The following XKR4 variants were observed in gnomAD, a reference collection of about 807,000 sequenced individuals.
XKR4 encodes the protein XK related 4.
In XKR4, 12 loss-of-function variants were observed where a neutral mutation model predicts 53.9. The ratio of observed to expected loss-of-function variants is 0.22; its 90% CI spans 0.14 to 0.36. XKR4 has a LOEUF of 0.36. Ranked by LOEUF, XKR4 falls within the 10% of genes least tolerant of loss-of-function variation. XKR4 has a pLI of 1.00. For missense variants in XKR4, 799 were observed against 859.5 expected, an observed-to-expected ratio of 0.93 and a Z score of 0.88; for synonymous variants, 354 against 362.4, an observed-to-expected ratio of 0.98 and a Z score of 0.26.
At chr8:55,492,502 G>A (rs1286084086) in intron 2 of XKR4, among the ~76,000 whole-genome samples, 1 of 152,162 alleles carries the variant, frequency 6.6e-6, no homozygotes, top group Non-Finnish European at 1.5e-5. Flanking sequence ...CCCATTAACT[G>A]AACCACAACA....
At chr8:55,416,947 A>G (rs569798006) in intron 2 of XKR4, among the ~76,000 whole-genome samples, 3 of 152,380 alleles carry the variant, frequency 2.0e-5, no homozygotes, top group Admixed American at 2.0e-4. Context: ...TTTCAAAATT[A>G]GAAAATAAAA....
At chr8:55,394,419 TA>T (rs34307387) in intron 2 of XKR4, among the ~76,000 whole-genome samples, 1 of 152,216 alleles carries the variant, frequency 6.6e-6, no homozygotes. Flanking sequence ...CTCATAGAGC[TA>T]AAAAAGTTAT....
At chr8:55,338,704 G>A (rs926874731) in intron 1 of XKR4, among the ~76,000 whole-genome samples, 2 of 152,162 alleles carry the variant, frequency 1.3e-5, no homozygotes, top group Non-Finnish European at 2.9e-5. Context: ...GAGGCTGGCC[G>A]CAATACAGTA....
chr8:55,395,142 G>A (rs149520367), intron 2 of XKR4, among the ~76,000 whole-genome samples: 103 of 152,152 alleles, frequency 6.8e-4, no homozygotes, highest in African/African-American at 1.6e-3. Flanking sequence ...GGGAGGTAGC[G>A]AATCACTGAG....
intron 1 of XKR4, among the ~76,000 whole-genome samples, chr8:55,340,751 G>C (rs889971203): frequency 3.9e-5 from 6 of 152,216 alleles, no homozygotes; most frequent in African/African-American, 7.2e-5. Flanking sequence ...GGTAGGAAGA[G>C]CAGTTAGGGA....
chr8:55,381,190 A>G (rs943228040), intron 2 of XKR4, among the ~76,000 whole-genome samples: 8 of 152,202 alleles, frequency 5.3e-5, no homozygotes, highest in South Asian at 2.1e-4. Flanking sequence ...TTAAAATTAA[A>G]TATGATGTAT....
intron 1 of XKR4, among the ~76,000 whole-genome samples, chr8:55,125,260 C>T (rs569526453): frequency 1.3e-5 from 2 of 152,010 alleles, no homozygotes; most frequent in East Asian, 1.9e-4. Context: ...GATGGAGTTT[C>T]GCCCTTGTCA....
At chr8:55,225,252 A>C (rs1181457197) in intron 1 of XKR4, among the ~76,000 whole-genome samples, 2 of 152,198 alleles carry the variant, frequency 1.3e-5, no homozygotes, top group Admixed American at 1.3e-4. Flanking sequence ...TTCAATTCAC[A>C]ATGTACATTT....
At chr8:55,477,686 A>C (rs1236469250) in intron 2 of XKR4, among the ~76,000 whole-genome samples, 1 of 143,652 alleles carries the variant, frequency 7.0e-6, no homozygotes, top group African/African-American at 2.8e-5. Flanking sequence ...GATAACTAGG[A>C]TAACCAACGC....
At chr8:55,213,855 T>TC (rs2129364126) in intron 1 of XKR4, among the ~76,000 whole-genome samples, 1 of 120,426 alleles carries the variant, frequency 8.3e-6, no homozygotes, top group African/African-American at 2.8e-5. Context: ...TTTCTTTCTT[T>TC]CTTTTTTTTT....
At chr8:55,407,322 G>A (rs1804699463) in intron 2 of XKR4, among the ~76,000 whole-genome samples, 2 of 152,232 alleles carry the variant, frequency 1.3e-5, no homozygotes, top group African/African-American at 4.8e-5. Context: ...TGCTTCCCAG[G>A]AATCACCGCC....
At chr8:55,298,328 T>C (rs189379892) in intron 1 of XKR4, among the ~76,000 whole-genome samples, 10 of 152,208 alleles carry the variant, frequency 6.6e-5, no homozygotes, top group African/African-American at 2.4e-4. Context: ...TTGCCTGTGT[T>C]AGTCCGTTTG....
chr8:55,202,425 C>T (rs1346017231), intron 1 of XKR4, among the ~76,000 whole-genome samples: 4 of 152,230 alleles, frequency 2.6e-5, no homozygotes, highest in Admixed American at 6.5e-5. Context: ...AGGGGCCCCT[C>T]CACAAACGTG....
intron 2 of XKR4, among the ~76,000 whole-genome samples, chr8:55,418,438 T>C (rs1804880903): frequency 6.6e-6 from 1 of 152,214 alleles, no homozygotes; most frequent in Admixed American, 6.5e-5. Flanking sequence ...ATCTCTTCCA[T>C]CAGCAAATCC....
At position 55,102,468 on chromosome 8, in the gene XKR4, C is replaced by G; in HGVS notation, c.-21C>G. ...GAAAGGTGTCAGATAAAGGAGGGCT[C>G]TCCTCCGGTGTGGAGGCATCATGGC... is the stretch of plus-strand genomic sequence containing the variant. On this transcript the variant is annotated 5_prime_UTR_variant, in exon 1 of 3. Transcript: ENST00000327381. This position sits in a 1 kb window ranked among gnomAD's most constrained non-coding sequence, Gnocchi z 5.1. 6.5e-7 allele frequency: 1 copy of G among 1,536,022 alleles called. No homozygotes were observed. The highest frequency in any genetic ancestry group is 8.8e-7 in the Non-Finnish European group (1 of 1,136,020).
chr8:55,451,707 C>T (rs1189354973), intron 2 of XKR4: 2 of 1,333,786 alleles, frequency 1.5e-6, no homozygotes, highest in South Asian at 1.2e-5. Flanking sequence ...AGATGGCATG[C>T]ATGCGGTTGA....
chr8:55,299,736 T>A (rs749804606), intron 1 of XKR4, among the ~76,000 whole-genome samples: 1 of 152,106 alleles, frequency 6.6e-6, no homozygotes, highest in Non-Finnish European at 1.5e-5. Flanking sequence ...AATTCTGTTG[T>A]GTGCGCTGAA....
At chr8:55,433,641 A>G (rs1437264062) in intron 2 of XKR4, among the ~76,000 whole-genome samples, 1 of 152,264 alleles carries the variant, frequency 6.6e-6, no homozygotes, top group Non-Finnish European at 1.5e-5. Context: ...AAAGGCAAGT[A>G]TAACCAAAAA....
intron 2 of XKR4, among the ~76,000 whole-genome samples, chr8:55,400,912 G>A (rs923445439): frequency 6.6e-6 from 1 of 152,174 alleles, no homozygotes; most frequent in Non-Finnish European, 1.5e-5. Flanking sequence ...TGTGCTCAGA[G>A]AATTTGAGTT....
Sources: allele counts gnomAD v4.1 joint callset (sites outside exome capture counted in the v4.1 genomes callset), GRCh38; gene constraint gnomAD v4.1.1; non-coding constraint Gnocchi (gnomAD v3.1); transcripts MANE v1.5; gene names NCBI Gene and HGNC (gene_info 2026-07-23, HGNC 2026-07-21).